The following RPGRIP1L variants were observed in gnomAD, a reference collection of about 807,000 sequenced individuals.
RPGRIP1L encodes the protein RPGRIP1 like.
A neutral mutation model predicts 160.4 loss-of-function variants in RPGRIP1L; 131 were observed. The observed-to-expected ratio is 0.82, with a 90% confidence interval of 0.71 to 0.94. RPGRIP1L has a LOEUF of 0.94. Ranked by LOEUF, RPGRIP1L falls within the 40% of genes least tolerant of loss-of-function variation. RPGRIP1L has a pLI of 0.00. For missense variants in RPGRIP1L, 1,522 were observed against 1,535.8 expected, an observed-to-expected ratio of 0.99 and a Z score of 0.15; for synonymous variants, 510 against 515.8, an observed-to-expected ratio of 0.99 and a Z score of 0.15.
chr16:53,602,070 T>C lies in RPGRIP1L; in HGVS notation c.*6A>G. ...GGAGTAGGAGATGCCTCTGGAGCATTTGCTTTCAAGCCTCCAAGTCATCTC... is the reference window on the plus strand; with the variant it reads ...GGAGTAGGAGATGCCTCTGGAGCATCTGCTTTCAAGCCTCCAAGTCATCTC... On this transcript the variant is annotated 3_prime_UTR_variant, in exon 27 of 27. Coordinates refer to ENST00000647211, the MANE Select transcript of RPGRIP1L (RefSeq NM_015272.5). The C allele has an allele frequency of 6.4e-7, 1 of 1,564,580 alleles. No individual in the cohort carries two copies. Among genetic ancestry groups the C allele is most frequent in the Non-Finnish European group, 8.8e-7 (1 of 1,135,844 alleles).
Position 53,605,469 on chromosome 16 carries a change from T to A in RPGRIP1L, c.3835+12A>T. On this transcript the variant is annotated intron_variant, in intron 26 of 26. Coordinates refer to ENST00000647211, the MANE Select transcript of RPGRIP1L (RefSeq NM_015272.5). ...GTTGGTTGCACAAACTGAGCAACAC[T>A]TTCACCCATACCATCGATATTTTGC... 1.2e-6 allele frequency: 2 copies of A among 1,614,118 alleles called. No individual in the cohort carries two copies. The highest frequency in any genetic ancestry group is 1.7e-6 in the Non-Finnish European group (2 of 1,179,978).
At chr16:53,630,463 T>C (rs1965450772) in intron 22 of RPGRIP1L, among the ~76,000 whole-genome samples, 1 of 152,162 alleles carries the variant, frequency 6.6e-6, no homozygotes, top group African/African-American at 2.4e-5. Flanking sequence ...TATATAATAA[T>C]GTTCATCTTA....
chr16:53,625,735 G>T (rs1407919123), intron 22 of RPGRIP1L, among the ~76,000 whole-genome samples: 1 of 152,206 alleles, frequency 6.6e-6, no homozygotes, highest in Non-Finnish European at 1.5e-5. Flanking sequence ...AGAGAGATCA[G>T]ATTGTTACTG....
chr16:53,697,826 G>A (rs1021675676), intron 2 of RPGRIP1L, among the ~76,000 whole-genome samples: 24 of 150,400 alleles, frequency 1.6e-4, no homozygotes, highest in Non-Finnish European at 3.1e-4. Context: ...GCCGCCCATC[G>A]TCTGGGATGT....
chr16:53,609,957 C>T (rs1212428188), intron 25 of RPGRIP1L, among the ~76,000 whole-genome samples: 2 of 152,254 alleles, frequency 1.3e-5, no homozygotes, highest in African/African-American at 4.8e-5. Flanking sequence ...TTAACATTCA[C>T]TTTATGGCCC....
rs760997992 is a variant in RPGRIP1L, at chr16:53,649,032, A to C, written c.2236T>G (p.Tyr746Asp). The C allele has an allele frequency of 6.2e-7, 1 of 1,613,998 alleles. No homozygotes were observed. The highest frequency in any genetic ancestry group is 1.7e-5 in the Admixed American group (1 of 60,022). The change falls in exon 16 of 27, where the codon TAT becomes GAT. Residue 746 changes from tyrosine to aspartate, a missense_variant. Coordinates refer to ENST00000647211, the MANE Select transcript of RPGRIP1L (RefSeq NM_015272.5). ...CCCAAAGCCTTTGCCCTTTCTCGATAAAGTCGAATTGCTTGATCCATGGGA... is the reference window on the plus strand; with the variant it reads ...CCCAAAGCCTTTGCCCTTTCTCGATCAAGTCGAATTGCTTGATCCATGGGA... ...RVPMDQAIRL[Y>D]RERAKALGYI...
chr16:53,632,356 T>C (rs541857532), intron 22 of RPGRIP1L, among the ~76,000 whole-genome samples: 1 of 152,358 alleles, frequency 6.6e-6, no homozygotes, highest in African/African-American at 2.4e-5. Flanking sequence ...AAAGTAGGGA[T>C]AACTATAGAG....
intron 26 of RPGRIP1L, among the ~76,000 whole-genome samples, chr16:53,604,909 G>A (rs1280968734): frequency 1.3e-5 from 2 of 152,184 alleles, no homozygotes; most frequent in Non-Finnish European, 2.9e-5. Flanking sequence ...CAGGCGTGGT[G>A]GCTCACGCCT....
rs2150906620 is a variant in RPGRIP1L at position 53,600,564 on chromosome 16, T to C, written c.*1512A>G. 6.5e-6 allele frequency: 1 copy of C among 152,766 alleles called. No homozygotes were observed. The highest frequency in any genetic ancestry group is 2.4e-5 in the African/African-American group (1 of 41,570). The allele number at this position is 152,766 out of a possible 1,614,324, so 9.5% of individuals were successfully genotyped here. ...AATGTACATCAACAAATTAATATTGTACGGATGTCATTTCAAAGCCTTCTA... is the reference window on the plus strand; with the variant it reads ...AATGTACATCAACAAATTAATATTGCACGGATGTCATTTCAAAGCCTTCTA... On this transcript the variant is annotated 3_prime_UTR_variant, in exon 27 of 27. Coordinates refer to ENST00000647211, the MANE Select transcript of RPGRIP1L (RefSeq NM_015272.5).
At chr16:53,671,784 A>T (rs1054866802) in intron 8 of RPGRIP1L, among the ~76,000 whole-genome samples, 32 of 152,180 alleles carry the variant, frequency 2.1e-4, no homozygotes, top group African/African-American at 7.7e-4. Flanking sequence ...AATAAACGTG[A>T]AATTAATATT....
rs189766524 is a variant in RPGRIP1L at position 53,674,877 on chromosome 16, A to G, written c.882+140T>C. 1,059 of 618,518 alleles carry G rather than the reference A, an allele frequency of 1.7e-3. 7 individuals carry two copies. Among genetic ancestry groups the G allele is most frequent in the African/African-American group, 0.01 (558 of 54,468 alleles). The allele number at this position is 618,518 out of a possible 1,614,324, so 38.3% of individuals were successfully genotyped here. A position where few individuals can be genotyped will look rare whatever the true frequency, so the allele number is the denominator to read the frequency against. On this transcript the variant is annotated intron_variant, in intron 7 of 26. Transcript: ENST00000647211. ...AACAATATATTAAGGGAAATGATAC[A>G]CATTTGTGAATACAAAGAACAATCC...
At position 53,686,544 on chromosome 16, in the gene RPGRIP1L, A is replaced by C. The variant is rs770267954; in HGVS notation, c.665T>G (p.Ile222Arg). The change falls in exon 6 of 27, where the codon ATA becomes AGA. Residue 222 changes from isoleucine (I) to arginine (R), a missense_variant. Coordinates refer to ENST00000647211, the MANE Select transcript of RPGRIP1L (RefSeq NM_015272.5). ...CTCAGCCAAGTGCTCTAACTCCTCTATCTGGCCTCTTTGTGACTGAATAAC... is the reference window on the plus strand; with the variant it reads ...CTCAGCCAAGTGCTCTAACTCCTCTCTCTGGCCTCTTTGTGACTGAATAAC... Reference protein sequence around the residue: ...ENVIQSQRGQIEELEHLAEIL... With the variant: ...ENVIQSQRGQREELEHLAEIL... 1.2e-6 allele frequency: 2 copies of C among 1,613,650 alleles called. No individual in the cohort carries two copies. Among genetic ancestry groups the C allele is most frequent in the South Asian group, 2.2e-5 (2 of 91,070 alleles).
rs1598313212 is a variant in RPGRIP1L, at chr16:53,646,839, G to A, written c.2305-836C>T. On this transcript the variant is annotated intron_variant, in intron 16 of 26. Transcript: ENST00000647211. ...TGACTCCATGAGAAGTTTATTGGAGGAGGAAAAAATAAAGCTGTTGTCATA... is the reference window on the plus strand; with the variant it reads ...TGACTCCATGAGAAGTTTATTGGAGAAGGAAAAAATAAAGCTGTTGTCATA... Among the ~76,000 whole-genome samples the A allele has an allele frequency of 3.9e-5, 6 of 152,296 alleles. 2 individuals are homozygous for A. Among genetic ancestry groups the A allele is most frequent in the Admixed American group, 3.9e-4 (6 of 15,296 alleles).
intron 16 of RPGRIP1L, among the ~76,000 whole-genome samples, chr16:53,646,510 A>G (rs752592081): frequency 3.9e-5 from 6 of 152,232 alleles, no homozygotes; most frequent in Non-Finnish European, 7.3e-5. Context: ...AGAGTCAGAG[A>G]CAAACCTTGA....
At chr16:53,695,737 T>G (rs1970705228) in intron 3 of RPGRIP1L, 1 of 367,156 alleles carries the variant, frequency 2.7e-6, no homozygotes, top group Admixed American at 4.4e-5. Flanking sequence ...AAGTGATGTT[T>G]TCATTAGTAA....
At chr16:53,619,464 A>G (rs1318334586) in intron 23 of RPGRIP1L, among the ~76,000 whole-genome samples, 1 of 152,204 alleles carries the variant, frequency 6.6e-6, no homozygotes, top group East Asian at 1.9e-4. Context: ...TTGAGGCTAT[A>G]AATACCCCAC....
intron 6 of RPGRIP1L, among the ~76,000 whole-genome samples, chr16:53,682,357 G>A (rs1349827847): frequency 2.0e-5 from 3 of 152,102 alleles, no homozygotes; most frequent in African/African-American, 7.2e-5. Flanking sequence ...CCCCTAAGGA[G>A]GGACTTACCT....
At chr16:53,638,037 T>C (rs536357397) in intron 20 of RPGRIP1L, among the ~76,000 whole-genome samples, 183 bp from the exon 21 acceptor site, 2 of 152,214 alleles carry the variant, frequency 1.3e-5, no homozygotes, top group Non-Finnish European at 2.9e-5. Flanking sequence ...TATAGATAAA[T>C]GGAAATCTGA....
intron 26 of RPGRIP1L, among the ~76,000 whole-genome samples, chr16:53,603,601 G>A (rs894054288): frequency 1.3e-5 from 2 of 152,040 alleles, no homozygotes; most frequent in African/African-American, 2.4e-5. Flanking sequence ...AAAGTGCTGG[G>A]ATTACAGGTG....
Sources: gnomAD v4.1 joint callset for allele counts (sites outside exome capture counted in the v4.1 genomes callset) on GRCh38, gnomAD v4.1.1 for gene constraint, MANE v1.5 for transcripts, NCBI Gene and HGNC (gene_info 2026-07-23, HGNC 2026-07-21) for gene names.